The following NKAIN2 variants were observed in gnomAD, a reference collection of about 807,000 sequenced individuals.
The protein encoded by NKAIN2 is sodium/potassium-transporting ATPase subunit beta-1-interacting protein 2.
In NKAIN2, 14 loss-of-function variants were observed where a neutral mutation model predicts 32.6. That is an observed-to-expected ratio of 0.43 (90% CI 0.28 to 0.67). NKAIN2 has a LOEUF of 0.67. NKAIN2 is among the 30% of genes least tolerant of loss of function. The pLI is 0.17. For missense variants in NKAIN2, 198 were observed against 258.3 expected, an observed-to-expected ratio of 0.77 and a Z score of 1.60; for synonymous variants, 80 against 87.2, an observed-to-expected ratio of 0.92 and a Z score of 0.46.
chr6:124,738,313 AGAT>A (rs1302627414), intron 4 of NKAIN2, among the ~76,000 whole-genome samples: 5 of 151,926 alleles, frequency 3.3e-5, no homozygotes, highest in Non-Finnish European at 5.9e-5. Context: ...TCTATTCCTT[AGAT>A]AATAAAATAA....
chr6:124,180,343 G>A (rs1323834840), intron 1 of NKAIN2, among the ~76,000 whole-genome samples: 1 of 152,116 alleles, frequency 6.6e-6, no homozygotes, highest in African/African-American at 2.4e-5. Flanking sequence ...CATGGCAGCA[G>A]ACAAGAGAGT....
At chr6:124,114,640 A>C (rs904516389) in intron 1 of NKAIN2, among the ~76,000 whole-genome samples, 1 of 152,098 alleles carries the variant, frequency 6.6e-6, no homozygotes, top group Admixed American at 6.6e-5. Flanking sequence ...CCATAATTGG[A>C]CCCATTAAAA....
chr6:124,322,134 A>T (rs994149855), intron 2 of NKAIN2, among the ~76,000 whole-genome samples: 3 of 152,194 alleles, frequency 2.0e-5, no homozygotes, highest in African/African-American at 7.2e-5. Flanking sequence ...AAAACTTTGT[A>T]AACCAGATTT....
chr6:124,007,231 T>C (rs995671670), intron 1 of NKAIN2, among the ~76,000 whole-genome samples: 2 of 152,158 alleles, frequency 1.3e-5, no homozygotes, highest in Non-Finnish European at 2.9e-5. Context: ...AATACGGTAT[T>C]ATAGTCTATG....
At chr6:124,347,370 G>T (rs9491133) in intron 2 of NKAIN2, among the ~76,000 whole-genome samples, 6,169 of 151,994 alleles carry the variant, frequency 0.041, 407 homozygotes, top group African/African-American at 0.14. Flanking sequence ...TCCTGAATCT[G>T]AATGTTGGCC....
chr6:124,408,557 T>A (rs1383416590), intron 3 of NKAIN2, among the ~76,000 whole-genome samples: 1 of 152,198 alleles, frequency 6.6e-6, no homozygotes, highest in East Asian at 1.9e-4. Context: ...TTGATCTATA[T>A]GTCTGTTTTG....
chr6:124,768,688 G>T (rs558532324), intron 4 of NKAIN2, among the ~76,000 whole-genome samples: 2 of 151,886 alleles, frequency 1.3e-5, no homozygotes, highest in African/African-American at 4.8e-5. Flanking sequence ...TTATTCATAG[G>T]AATTGTCTAA....
chr6:124,526,465 T>C (rs2114809684), intron 3 of NKAIN2, among the ~76,000 whole-genome samples: 1 of 152,210 alleles, frequency 6.6e-6, no homozygotes, highest in East Asian at 1.9e-4. Flanking sequence ...TTCCAGGTCT[T>C]CCACATGTTA....
At chr6:123,879,635 G>A (rs1773358386) in intron 1 of NKAIN2, among the ~76,000 whole-genome samples, 1 of 152,136 alleles carries the variant, frequency 6.6e-6, no homozygotes, top group Non-Finnish European at 1.5e-5. Context: ...CTAGCTAATA[G>A]GAAGGAGGAG....
chr6:124,447,027 A>G (rs1437759555), intron 3 of NKAIN2, among the ~76,000 whole-genome samples: 1 of 152,130 alleles, frequency 6.6e-6, no homozygotes, highest in African/African-American at 2.4e-5. Flanking sequence ...CAAGGTTGAG[A>G]TACCCTGGAT....
At chr6:124,601,927 T>G (rs1782322587) in intron 3 of NKAIN2, among the ~76,000 whole-genome samples, 2 of 152,022 alleles carry the variant, frequency 1.3e-5, no homozygotes, top group African/African-American at 4.8e-5. Context: ...CAACCATTTA[T>G]TTCCAAGCTG....
At chr6:124,080,348 C>T (rs1198046280) in intron 1 of NKAIN2, among the ~76,000 whole-genome samples, 1 of 152,144 alleles carries the variant, frequency 6.6e-6, no homozygotes, top group Admixed American at 6.6e-5. Context: ...CTTGCAGTTT[C>T]TTCTGGATCT....
intron 4 of NKAIN2, among the ~76,000 whole-genome samples, chr6:124,770,748 A>T (rs1303121952): frequency 6.6e-6 from 1 of 152,138 alleles, no homozygotes; most frequent in Non-Finnish European, 1.5e-5. Context: ...GCCACTTAAA[A>T]GACTATTAAG....
intron 1 of NKAIN2, among the ~76,000 whole-genome samples, chr6:123,915,867 G>A (rs1227758392): frequency 6.6e-6 from 1 of 152,118 alleles, no homozygotes; most frequent in Middle Eastern, 3.2e-3. Context: ...TCTGAAAAGA[G>A]AAAAACTAAT....
At chr6:124,787,719 C>T (rs1779568405) in intron 4 of NKAIN2, among the ~76,000 whole-genome samples, 1 of 152,052 alleles carries the variant, frequency 6.6e-6, no homozygotes, top group South Asian at 2.1e-4. Context: ...AGGGGGTGCT[C>T]CTTCAGCTCA....
At chr6:124,733,078 A>G (rs1287626131) in intron 4 of NKAIN2, among the ~76,000 whole-genome samples, 2 of 152,006 alleles carry the variant, frequency 1.3e-5, no homozygotes, top group African/African-American at 4.8e-5. Context: ...CCTAGACTTT[A>G]TGATTAAATT....
intron 3 of NKAIN2, among the ~76,000 whole-genome samples, chr6:124,370,957 A>C (rs148402401): frequency 4.6e-4 from 70 of 152,240 alleles, no homozygotes; most frequent in Non-Finnish European, 8.2e-4. Flanking sequence ...ATCCATTGAG[A>C]AATTTTTACA....
chr6:124,277,428 C>CGT (rs56300244), intron 1 of NKAIN2, among the ~76,000 whole-genome samples: 5,685 of 145,264 alleles, frequency 0.039, 131 homozygotes, highest in Middle Eastern at 0.076. Flanking sequence ...GTCTGTGTGT[C>CGT]GTGTGTGTGT....
chr6:124,199,114 C>T (rs1481136550), intron 1 of NKAIN2, among the ~76,000 whole-genome samples: 2 of 152,156 alleles, frequency 1.3e-5, no homozygotes, highest in East Asian at 3.9e-4. Flanking sequence ...ATTTACTTTG[C>T]GGTATCTCCT....
Sources: allele counts gnomAD v4.1 joint callset (sites outside exome capture counted in the v4.1 genomes callset), GRCh38; gene constraint gnomAD v4.1.1; transcripts MANE v1.5; gene names NCBI Gene and HGNC (gene_info 2026-07-23, HGNC 2026-07-21).